Variants in DENND1B observed in about 807,000 individuals in gnomAD.
DENND1B encodes DENN domain containing 1B.
In DENND1B, 59 loss-of-function variants were observed where a neutral mutation model predicts 90.1. That is an observed-to-expected ratio of 0.65 (90% CI 0.53 to 0.81). The LOEUF is 0.81. Among genes scored for constraint, DENND1B ranks in the 40% least tolerant of loss-of-function variants. DENND1B has a pLI of 0.00. For missense variants in DENND1B, 862 were observed against 912.6 expected (o/e 0.94, Z 0.71); for synonymous variants, 337 against 324.6 (o/e 1.04, Z -0.41).
chr1:197,558,968 C>A (rs1671938817), intron 15 of DENND1B, among the ~76,000 whole-genome samples: 2 of 151,732 alleles, frequency 1.3e-5, no homozygotes, highest in Admixed American at 6.6e-5. Flanking sequence ...CCATAGGAGG[C>A]TTCTTTCCAA....
rs1672537795 is a variant in DENND1B, at chr1:197,565,336, C to T, written c.1150-12224G>A. 2.0e-5 allele frequency among the ~76,000 whole-genome samples: 3 copies of T among 151,994 alleles called. No individual in the cohort carries two copies. In the South Asian group the frequency reaches 6.2e-4, roughly 31 times the overall value. On this transcript the variant is annotated intron_variant, in intron 15 of 22. Transcript: ENST00000620048. ...AGGGAAAGTAGATCACAGCACAAAA[C>T]AGAGCAAGTGCTCAGGATCTCATAG...
At chr1:197,683,751 TACA>T (rs1386232060) in intron 3 of DENND1B, among the ~76,000 whole-genome samples, 1 of 152,214 alleles carries the variant, frequency 6.6e-6, no homozygotes, top group Non-Finnish European at 1.5e-5. Context: ...AATTTTCTCT[TACA>T]ACGATGAAAA....
In DENND1B at chr1:197,511,922, C is replaced by A; in HGVS notation, c.1621G>T (p.Glu541Ter). The A allele has an allele frequency of 6.2e-7, 1 of 1,605,464 alleles. No individual in the cohort carries two copies. Among genetic ancestry groups the A allele is most frequent in the Non-Finnish European group, 8.5e-7 (1 of 1,175,414 alleles). ...CTCTCATAGAGATAAGCAGAAGCTT[C>A]TTCACCATCTTCAGAAGATAACCTG... ...ASKLSSEDGE[E>*]ASAYLYESDD... The change falls in exon 22 of 23, where the codon GAA (glutamate) becomes TAA (stop). Residue 541 changes from glutamate to a stop codon, truncating the protein, a stop_gained. Transcript: ENST00000620048. LOFTEE classifies it high-confidence loss of function.
At chr1:197,761,888 G>A (rs1302279635) in intron 2 of DENND1B, 1 of 150,006 alleles carries the variant, frequency 6.7e-6, no homozygotes, top group Non-Finnish European at 1.5e-5. Flanking sequence ...TACAGTTTGT[G>A]GTTTTTCAAC....
chr1:197,707,606 T>C (rs1007410791), intron 3 of DENND1B, among the ~76,000 whole-genome samples: 4 of 144,824 alleles, frequency 2.8e-5, no homozygotes, highest in Admixed American at 2.1e-4. Flanking sequence ...ATTATATACA[T>C]ATATATACAT....
At chr1:197,666,946 CA>C (rs1655000260) in intron 5 of DENND1B, among the ~76,000 whole-genome samples, 1 of 152,078 alleles carries the variant, frequency 6.6e-6, no homozygotes, top group Non-Finnish European at 1.5e-5. Flanking sequence ...CCATCCTGGC[CA>C]ACATGGTGAA....
At chr1:197,643,801 C>T (rs181069426) in intron 9 of DENND1B, among the ~76,000 whole-genome samples, 2 of 152,312 alleles carry the variant, frequency 1.3e-5, no homozygotes, top group African/African-American at 4.8e-5. Flanking sequence ...TAAGCTACTA[C>T]ATTAACTTTG....
At chr1:197,594,240 C>T (rs1351485427) in intron 14 of DENND1B, among the ~76,000 whole-genome samples, 3 of 152,156 alleles carry the variant, frequency 2.0e-5, no homozygotes, top group Non-Finnish European at 2.9e-5. Context: ...ATAAGGACCA[C>T]TTGAGTGGGA....
intron 15 of DENND1B, among the ~76,000 whole-genome samples, chr1:197,568,920 A>G (rs1334940893): frequency 6.6e-6 from 1 of 152,138 alleles, no homozygotes; most frequent in Non-Finnish European, 1.5e-5. Flanking sequence ...TTGGATCATG[A>G]CTTCAAAAGC....
rs549080869 is a variant in DENND1B at position 197,752,198 on chromosome 1, A to C, written c.82+20670T>G. ...TGCGAATTATTAATATTGGAAGAAA[A>C]GGGGGCTTATCACTGCAGATCTTAT... is the stretch of plus-strand genomic sequence containing the variant. On this transcript the variant is annotated intron_variant, in intron 2 of 22. Transcript: ENST00000620048. 2.2e-4 allele frequency among the ~76,000 whole-genome samples: 34 copies of C among 152,164 alleles called. No homozygotes were observed. In the South Asian group the frequency reaches 6.6e-3, roughly 30 times the overall value.
chr1:197,611,930 C>G lies in DENND1B; in HGVS notation c.819+1G>C. ...CTGTCTCATGTCTGAAAGATACTCA[C>G]CTCTATGAGGCTGGAGTGTATTCCA... On this transcript the variant is annotated splice_donor_variant, in intron 12 of 22. Transcript: ENST00000620048. LOFTEE classifies it high-confidence loss of function. The G allele has an allele frequency of 6.2e-7, 1 of 1,603,214 alleles. No individual in the cohort carries two copies. The highest frequency in any genetic ancestry group is 1.7e-4 in the Middle Eastern group (1 of 5,948).
intron 13 of DENND1B, among the ~76,000 whole-genome samples, chr1:197,597,877 G>T (rs1007974876): frequency 1.3e-5 from 2 of 151,608 alleles, no homozygotes; most frequent in African/African-American, 4.8e-5. Flanking sequence ...TGCCGTAAGA[G>T]TAAACAGACA....
intron 2 of DENND1B, among the ~76,000 whole-genome samples, chr1:197,746,146 C>T (rs1047880471): frequency 4.6e-5 from 7 of 152,164 alleles, no homozygotes; most frequent in African/African-American, 1.4e-4. Context: ...AATCCCAGCA[C>T]TTTGGGAGGC....
Position 197,693,849 on chromosome 1 carries a change from C to T in DENND1B, c.127-19680G>A, listed in dbSNP as rs550792374. Among the ~76,000 whole-genome samples, 138 of 151,584 alleles carry T rather than the reference C, an allele frequency of 9.1e-4. No homozygotes were observed. The South Asian group carries it at 1.0e-2, about 11-fold the overall frequency. On this transcript the variant is annotated intron_variant, in intron 3 of 22. Transcript: ENST00000620048. ...GGTAGAATAACCCCCACATCCAGAA[C>T]TATGGCCTACAACTGTCATTAAGCC...
At chr1:197,738,270 T>G (rs980770142) in intron 2 of DENND1B, among the ~76,000 whole-genome samples, 1 of 152,234 alleles carries the variant, frequency 6.6e-6, no homozygotes, top group African/African-American at 2.4e-5. Context: ...AGGTGCTATT[T>G]TTCTCATTTA....
intron 15 of DENND1B, among the ~76,000 whole-genome samples, chr1:197,581,142 T>C (rs962081979): frequency 3.3e-5 from 5 of 152,210 alleles, no homozygotes; most frequent in African/African-American, 1.2e-4. Flanking sequence ...TTCAGCCATA[T>C]GAGTAGTATC....
chr1:197,528,085 A>G (rs1056480482), intron 20 of DENND1B, among the ~76,000 whole-genome samples: 8 of 152,200 alleles, frequency 5.3e-5, no homozygotes, highest in African/African-American at 9.6e-5. Context: ...ACACCCTACT[A>G]GGTGTGGACA....
chr1:197,616,639 C>A (rs1677674334), intron 11 of DENND1B, among the ~76,000 whole-genome samples: 1 of 151,094 alleles, frequency 6.6e-6, no homozygotes, highest in East Asian at 2.0e-4. Context: ...GAGGCTCAGT[C>A]ATAAAAAGTT....
intron 20 of DENND1B, among the ~76,000 whole-genome samples, chr1:197,526,453 T>C (rs1227651648): frequency 6.6e-6 from 1 of 151,904 alleles, no homozygotes; most frequent in Admixed American, 6.6e-5. Flanking sequence ...AAAAACAAAG[T>C]CAAATAGGAC....
Sources: allele counts gnomAD v4.1 joint callset (sites outside exome capture counted in the v4.1 genomes callset), GRCh38; gene constraint gnomAD v4.1.1; transcripts MANE v1.5; gene names NCBI Gene and HGNC (gene_info 2026-07-23, HGNC 2026-07-21).